Variants in IL1RAPL1 observed in about 807,000 individuals in gnomAD.
The protein encoded by IL1RAPL1 is interleukin 1 receptor accessory protein like 1.
A neutral mutation model predicts 48.4 loss-of-function variants in IL1RAPL1; 3 were observed. The ratio of observed to expected loss-of-function variants is 0.06; its 90% CI spans 0.03 to 0.16. The LOEUF is 0.16. IL1RAPL1 is among the 10% of genes least tolerant of loss of function. The pLI, the probability that IL1RAPL1 is intolerant of heterozygous loss-of-function variation, is 1.00. For missense variants in IL1RAPL1, 349 were observed against 530.6 expected (o/e 0.66, Z 3.36); for synonymous variants, 185 against 187.7 (o/e 0.99, Z 0.12).
At chrX:29,902,048 G>A (rs906486419) in intron 6 of IL1RAPL1, among the ~76,000 whole-genome samples, 1 of 111,847 alleles carries the variant, frequency 8.9e-6, no homozygotes, top group Non-Finnish European at 1.9e-5. Flanking sequence ...CAACTCAAGG[G>A]TAACAATGGC....
At position 29,200,943 on chromosome X, in the gene IL1RAPL1, C is replaced by A. The variant is rs183261008; in HGVS notation, c.83-81995C>A. Among the ~76,000 whole-genome samples, 8 of 111,034 alleles carry A rather than the reference C, an allele frequency of 7.2e-5. No homozygotes were observed. The Admixed American group carries it at 7.7e-4, about 11-fold the overall frequency. ...CATTACCCAGGTATTAAGCCCAGTA[C>A]CCAGTAGTTATTTTTCCTGATCCTC... On this transcript the variant is annotated intron_variant, in intron 2 of 10. Coordinates refer to ENST00000378993, the MANE Select transcript of IL1RAPL1 (RefSeq NM_014271.4).
At chrX:29,572,960 A>C (rs1276824571) in intron 5 of IL1RAPL1, among the ~76,000 whole-genome samples, 1 of 112,499 alleles carries the variant, frequency 8.9e-6, no homozygotes, top group Non-Finnish European at 1.9e-5. Flanking sequence ...TTGGGCTGCT[A>C]TAACAAAATA....
chrX:28,849,683 C>T (rs16988359), intron 2 of IL1RAPL1, among the ~76,000 whole-genome samples: 18,402 of 111,257 alleles, frequency 0.17, 2,890 homozygotes, highest in African/African-American at 0.48. Flanking sequence ...TTTTGACAAT[C>T]TGCAGTATCA....
intron 3 of IL1RAPL1, among the ~76,000 whole-genome samples, chrX:29,312,265 C>T (rs897973862): frequency 3.6e-5 from 4 of 111,037 alleles, no homozygotes; most frequent in African/African-American, 1.3e-4. Context: ...CATGATGAAA[C>T]CCCATCTGTA....
At chrX:29,546,932 G>A (rs1921643116) in intron 5 of IL1RAPL1, among the ~76,000 whole-genome samples, 1 of 111,350 alleles carries the variant, frequency 9.0e-6, no homozygotes, top group Non-Finnish European at 1.9e-5. Flanking sequence ...CTCCAAATAG[G>A]CAATGATGTG....
intron 2 of IL1RAPL1, among the ~76,000 whole-genome samples, chrX:29,257,689 A>G (rs1931780290): frequency 8.9e-6 from 1 of 111,825 alleles, no homozygotes; most frequent in South Asian, 3.7e-4. Context: ...GTCTCACACA[A>G]TTCCTTAGGG....
intron 4 of IL1RAPL1, 58 bp from the exon 5 acceptor site, chrX:29,399,097 C>T (rs1051624405): frequency 3.3e-5 from 31 of 947,125 alleles, no homozygotes; most frequent in Non-Finnish European, 4.4e-5. Flanking sequence ...TTATTTAAAA[C>T]TGTTCTATAT....
chrX:29,707,243 T>C (rs1927222065), intron 6 of IL1RAPL1, among the ~76,000 whole-genome samples: 1 of 110,948 alleles, frequency 9.0e-6, no homozygotes, highest in Non-Finnish European at 1.9e-5. Context: ...TGCAGTACCA[T>C]CTCACTCCTG....
At position 28,882,141 on chromosome X, in the gene IL1RAPL1, T is replaced by A. The variant is rs541391380; in HGVS notation, c.82+92716T>A. ...GAGAATCTTAAAAATTAAAAAAATA[T>A]ATATATATATCTTGAAATAAGTCAT... On this transcript the variant is annotated intron_variant, in intron 2 of 10. Transcript: ENST00000378993. 3.0e-4 allele frequency among the ~76,000 whole-genome samples: 33 copies of A among 110,350 alleles called. No individual in the cohort carries two copies. The South Asian group carries it at 8.7e-3, about 29-fold the overall frequency.
chrX:29,639,304 C>G (rs1333413207), intron 5 of IL1RAPL1, among the ~76,000 whole-genome samples: 1 of 111,335 alleles, frequency 9.0e-6, no homozygotes, highest in African/African-American at 3.3e-5. Flanking sequence ...TCTAATTGTC[C>G]TCTTAGATTG....
intron 1 of IL1RAPL1, among the ~76,000 whole-genome samples, chrX:28,644,920 A>T (rs1017452450): frequency 9.0e-6 from 1 of 111,614 alleles, no homozygotes; most frequent in Non-Finnish European, 1.9e-5. Context: ...ATACTCATCC[A>T]TAAAATATGA....
At chrX:29,843,824 C>A (rs1323171968) in intron 6 of IL1RAPL1, among the ~76,000 whole-genome samples, 2 of 109,320 alleles carry the variant, frequency 1.8e-5, no homozygotes, top group Non-Finnish European at 3.8e-5. Context: ...CTACTTCCAT[C>A]ATCACATCTC....
intron 6 of IL1RAPL1, among the ~76,000 whole-genome samples, chrX:29,823,737 T>C (rs1183961759): frequency 8.9e-6 from 1 of 111,938 alleles, no homozygotes; most frequent in Non-Finnish European, 1.9e-5. Flanking sequence ...GTGTCATAAT[T>C]TCATATTTAT....
intron 3 of IL1RAPL1, among the ~76,000 whole-genome samples, chrX:29,376,789 T>C (rs139911929): frequency 0.035 from 3,973 of 112,188 alleles, 162 homozygotes; most frequent in African/African-American, 0.12. Flanking sequence ...ACTTGCTTTA[T>C]GACTAAGCAT....
intron 6 of IL1RAPL1, among the ~76,000 whole-genome samples, chrX:29,753,220 A>G (rs2147141787): frequency 9.0e-6 from 1 of 111,504 alleles, no homozygotes; most frequent in African/African-American, 3.3e-5. Context: ...TACTGTTACA[A>G]CCTCACTCTA....
intron 2 of IL1RAPL1, among the ~76,000 whole-genome samples, chrX:28,875,105 A>G (rs1391251460): frequency 8.9e-6 from 1 of 112,258 alleles, no homozygotes; most frequent in Non-Finnish European, 1.9e-5. Context: ...AATCATTAAT[A>G]GTGCAATTCA....
chrX:28,701,450 T>G (rs1456611485), intron 1 of IL1RAPL1, among the ~76,000 whole-genome samples: 1 of 112,037 alleles, frequency 8.9e-6, no homozygotes, highest in Non-Finnish European at 1.9e-5. Flanking sequence ...GATGAGAGAT[T>G]AATTTTACTC....
At chrX:29,437,446 G>A (rs1934494509) in intron 5 of IL1RAPL1, among the ~76,000 whole-genome samples, 2 of 110,495 alleles carry the variant, frequency 1.8e-5, no homozygotes, top group African/African-American at 6.5e-5. Flanking sequence ...GTACTATGTT[G>A]AATAAGAGTA....
intron 2 of IL1RAPL1, among the ~76,000 whole-genome samples, chrX:28,835,383 G>C (rs1921178634): frequency 9.0e-6 from 1 of 111,129 alleles, no homozygotes. Flanking sequence ...TTTCCAGGCT[G>C]TGTGAGGGAA....
Sources: allele counts gnomAD v4.1 joint callset (sites outside exome capture counted in the v4.1 genomes callset), GRCh38; gene constraint gnomAD v4.1.1; transcripts MANE v1.5; gene names NCBI Gene and HGNC (gene_info 2026-07-23, HGNC 2026-07-21).